TMEM117: variants seen among roughly 807,000 people sequenced by gnomAD.
The protein encoded by TMEM117 is transmembrane protein 117.
Under a neutral mutation model 52.4 loss-of-function variants are expected in TMEM117, and 27 were observed. That is an observed-to-expected ratio of 0.51 (90% CI 0.38 to 0.71). The LOEUF (loss-of-function observed/expected upper bound fraction) is 0.71. Among genes scored for constraint, TMEM117 ranks in the 30% least tolerant of loss-of-function variants. The pLI is 0.00. For synonymous variants in TMEM117, 215 were observed against 206.3 expected (o/e 1.04, Z -0.36); for missense variants, 556 against 630.5 (o/e 0.88, Z 1.26).
At chr12:44,203,873 T>G (rs1193829254) in intron 4 of TMEM117, among the ~76,000 whole-genome samples, 1 of 152,208 alleles carries the variant, frequency 6.6e-6, no homozygotes, top group Non-Finnish European at 1.5e-5. Flanking sequence ...GCCAAGCATA[T>G]GGTTGATATT....
chr12:43,803,221 T>C, the TMEM117 span, among the ~76,000 whole-genome samples: 3 of 152,250 alleles, frequency 2.0e-5, no homozygotes, highest in Non-Finnish European at 4.4e-5. Flanking sequence ...AAAGGAAAGA[T>C]ACAGAGTAAG....
Position 43,929,479 on chromosome 12 carries a change from C to A in TMEM117, c.278-14731C>A, listed in dbSNP as rs954083353. ...TTTATTGACCCCTTCTGCCTTGTAGCTTATTTTTGTCATAAACTGAAATTC... is the reference window on the plus strand; with the variant it reads ...TTTATTGACCCCTTCTGCCTTGTAGATTATTTTTGTCATAAACTGAAATTC... On this transcript the variant is annotated intron_variant, in intron 2 of 7. Transcript: ENST00000266534. Among the ~76,000 whole-genome samples, 13 of 152,200 alleles carry A rather than the reference C, an allele frequency of 8.5e-5. No individual in the cohort carries two copies. The East Asian group carries it at 2.3e-3, about 27-fold the overall frequency.
chr12:43,808,911 T>G, the TMEM117 span, among the ~76,000 whole-genome samples: 1 of 152,114 alleles, frequency 6.6e-6, no homozygotes, highest in Non-Finnish European at 1.5e-5. Context: ...ACCAATCTTA[T>G]GTTTTGCAAG....
intron 5 of TMEM117, among the ~76,000 whole-genome samples, chr12:44,226,499 A>ATGTGTGTGTG (rs1161429257): frequency 3.0e-5 from 4 of 132,872 alleles, no homozygotes; most frequent in African/African-American, 6.1e-5. Flanking sequence ...ATAAATATAT[A>ATGTGTGTGTG]TATGTGTGTG....
At chr12:43,963,969 A>G (rs557229640) in intron 3 of TMEM117, among the ~76,000 whole-genome samples, 1 of 152,324 alleles carries the variant, frequency 6.6e-6, no homozygotes, top group South Asian at 2.1e-4. Flanking sequence ...ATAAGCACTT[A>G]AAACTAATAT....
intron 4 of TMEM117, among the ~76,000 whole-genome samples, chr12:44,159,759 A>G (rs1165894695): frequency 6.6e-6 from 1 of 152,190 alleles, no homozygotes; most frequent in African/African-American, 2.4e-5. Context: ...AATGCTGATA[A>G]AATTATTAAT....
chr12:43,864,159 C>T (rs1943541043), intron 2 of TMEM117, among the ~76,000 whole-genome samples: 1 of 152,202 alleles, frequency 6.6e-6, no homozygotes, highest in Non-Finnish European at 1.5e-5. Flanking sequence ...TGCAGCCTGC[C>T]ATGCCTGAGT....
intron 3 of TMEM117, among the ~76,000 whole-genome samples, chr12:44,071,012 G>C (rs1202644479): frequency 6.6e-6 from 1 of 152,152 alleles, no homozygotes; most frequent in Non-Finnish European, 1.5e-5. Context: ...CAGGGGTAGA[G>C]TATATTTCTT....
chr12:44,054,122 G>A lies in TMEM117; in HGVS notation c.411-89403G>A, dbSNP rs371090338. Among the ~76,000 whole-genome samples the A allele has an allele frequency of 2.1e-4, 32 of 152,264 alleles. No individual in the cohort carries two copies. In the South Asian group the frequency reaches 4.1e-3, roughly 20 times the overall value. On this transcript the variant is annotated intron_variant, in intron 3 of 7. Transcript: ENST00000266534. ...TTATATACACCCTGGAGGTACTGCC[G>A]TTAGTGAACCAATTTAGTTGGAGAT...
At chr12:44,311,183 A>T (rs1950970094) in intron 6 of TMEM117, among the ~76,000 whole-genome samples, 1 of 152,048 alleles carries the variant, frequency 6.6e-6, no homozygotes, top group Admixed American at 6.6e-5. Flanking sequence ...ATGTGAGTAT[A>T]TATATATATG....
intron 3 of TMEM117, among the ~76,000 whole-genome samples, chr12:44,085,039 A>T (rs762171564): frequency 4.6e-5 from 7 of 152,228 alleles, no homozygotes; most frequent in Non-Finnish European, 1.0e-4. Context: ...TTTTCATTAA[A>T]TGTTACCAGT....
intron 6 of TMEM117, among the ~76,000 whole-genome samples, chr12:44,309,067 C>T (rs1417851797): frequency 6.6e-6 from 1 of 152,114 alleles, no homozygotes; most frequent in Non-Finnish European, 1.5e-5. Context: ...TATAACAATC[C>T]TCTATAATTC....
intron 3 of TMEM117, among the ~76,000 whole-genome samples, chr12:44,101,720 G>A (rs997410799): frequency 1.3e-5 from 2 of 152,024 alleles, no homozygotes; most frequent in African/African-American, 4.8e-5. Flanking sequence ...GTCATTTTCT[G>A]TTTCTGTCTT....
intron 5 of TMEM117, among the ~76,000 whole-genome samples, chr12:44,220,385 A>T (rs1949772544): frequency 6.6e-6 from 1 of 152,170 alleles, no homozygotes; most frequent in East Asian, 1.9e-4. Context: ...TGGATTAGAG[A>T]CAGAGACATC....
intron 3 of TMEM117, among the ~76,000 whole-genome samples, chr12:44,067,519 C>T (rs751035121): frequency 6.6e-6 from 1 of 152,122 alleles, no homozygotes; most frequent in African/African-American, 2.4e-5. Flanking sequence ...TTGTACATCT[C>T]CCTCAGAGCT....
At chr12:44,197,524 T>G (rs1163415509) in intron 4 of TMEM117, among the ~76,000 whole-genome samples, 1 of 152,062 alleles carries the variant, frequency 6.6e-6, no homozygotes, top group Admixed American at 6.5e-5. Flanking sequence ...GTGTAAATAT[T>G]TTTTTTTCTG....
intron 3 of TMEM117, among the ~76,000 whole-genome samples, chr12:44,044,149 T>C (rs1385339202): frequency 6.6e-6 from 1 of 152,208 alleles, no homozygotes; most frequent in African/African-American, 2.4e-5. Context: ...ACCAATGCCT[T>C]GTGAAACAGA....
intron 6 of TMEM117, among the ~76,000 whole-genome samples, chr12:44,311,586 A>G (rs1253218630): frequency 6.6e-6 from 1 of 151,870 alleles, no homozygotes; most frequent in Non-Finnish European, 1.5e-5. Flanking sequence ...GGGAGGACGT[A>G]GAGATGACAG....
At chr12:43,888,743 T>C (rs2137471352) in intron 2 of TMEM117, among the ~76,000 whole-genome samples, 1 of 151,808 alleles carries the variant, frequency 6.6e-6, no homozygotes, top group East Asian at 1.9e-4. Context: ...AGAGACGGGG[T>C]TTCACCACGT....
Sources: allele counts gnomAD v4.1 joint callset (sites outside exome capture counted in the v4.1 genomes callset), GRCh38; gene constraint gnomAD v4.1.1; transcripts MANE v1.5; gene names NCBI Gene and HGNC (gene_info 2026-07-23, HGNC 2026-07-21).